TCP11L1: variants seen among roughly 807,000 people sequenced by gnomAD.
The protein encoded by TCP11L1 is T-complex protein 11-like protein 1.
Under a neutral mutation model 48.9 loss-of-function variants are expected in TCP11L1, and 28 were observed. That is an observed-to-expected ratio of 0.57 (90% CI 0.42 to 0.78). The LOEUF (loss-of-function observed/expected upper bound fraction) is 0.78, where lower values mean the gene tolerates loss of function less well. Ranked by LOEUF, TCP11L1 falls within the 30% of genes least tolerant of loss-of-function variation. TCP11L1 has a pLI of 0.00. For synonymous variants in TCP11L1, 204 were observed against 231.9 expected, an observed-to-expected ratio of 0.88 and a Z score of 1.09; for missense variants, 505 against 613.4, an observed-to-expected ratio of 0.82 and a Z score of 1.87.
Position 33,047,079 on chromosome 11 carries a change from C to T in TCP11L1, c.163+3143C>T, listed in dbSNP as rs138422683. On this transcript the variant is annotated intron_variant, in intron 2 of 9. Transcript: ENST00000334274. ...TTCTACTAAAAATACAAAAATTAGC[C>T]GGGAGTGGTGGTGTGTGCCTGTAAT... Among the ~76,000 whole-genome samples the T allele has an allele frequency of 8.5e-4, 129 of 151,784 alleles. 2 individuals carry two copies. Among genetic ancestry groups the T allele is most frequent in the African/African-American group, 2.2e-3 (90 of 41,380 alleles).
At chr11:33,057,042 G>A in intron 3 of TCP11L1, 73 bp from the exon 4 acceptor site, 1 of 1,601,270 alleles carries the variant, frequency 6.2e-7, no homozygotes, top group Non-Finnish European at 8.5e-7. Flanking sequence ...CATAGTATTT[G>A]TGCTTTTGAA....
intron 2 of TCP11L1, 23 bp from the exon 3 acceptor site, chr11:33,054,570 C>T (rs1854255288): frequency 6.2e-7 from 1 of 1,604,582 alleles, no homozygotes; most frequent in East Asian, 2.3e-5. Flanking sequence ...AAGCAAATCT[C>T]TTACAGTGAG....
intron 6 of TCP11L1, among the ~76,000 whole-genome samples, chr11:33,059,303 A>G (rs1854406687): frequency 6.6e-6 from 1 of 152,362 alleles, no homozygotes; most frequent in African/African-American, 2.4e-5. Flanking sequence ...AGCAAAAGGA[A>G]TGTGAGTAGG....
intron 1 of TCP11L1, among the ~76,000 whole-genome samples, chr11:33,042,932 G>A (rs551907947): frequency 1.3e-5 from 2 of 152,334 alleles, no homozygotes; most frequent in South Asian, 4.1e-4. Flanking sequence ...CAGGCATGGT[G>A]GTGGGCGCCT....
intron 9 of TCP11L1, among the ~76,000 whole-genome samples, chr11:33,071,235 A>T (rs1011534141): frequency 7.2e-5 from 11 of 152,022 alleles, no homozygotes; most frequent in Non-Finnish European, 1.5e-4. Context: ...GAATCGCTTG[A>T]ACTCGGGAGG....
rs1189321584 is a variant in TCP11L1 at position 33,066,858 on chromosome 11, T to C, written c.1154+847T>C. 2.0e-5 allele frequency among the ~76,000 whole-genome samples: 3 copies of C among 152,158 alleles called. No homozygotes were observed. The East Asian group carries it at 5.8e-4, about 29-fold the overall frequency. ...CCTGCAGTAAGAAATTCATTTTCCATTGTGACCTAGTACACACTTAACACA... is the reference window on the plus strand; with the variant it reads ...CCTGCAGTAAGAAATTCATTTTCCACTGTGACCTAGTACACACTTAACACA... On this transcript the variant is annotated intron_variant, in intron 8 of 9. Transcript: ENST00000334274.
intron 9 of TCP11L1, among the ~76,000 whole-genome samples, chr11:33,071,905 G>T (rs1247680369): frequency 6.6e-6 from 1 of 152,082 alleles, no homozygotes; most frequent in Non-Finnish European, 1.5e-5. Flanking sequence ...GAGTGCAATG[G>T]CATGATCTCA....
At chr11:33,066,932 G>GT (rs918347142) in intron 8 of TCP11L1, among the ~76,000 whole-genome samples, 1 of 151,870 alleles carries the variant, frequency 6.6e-6, no homozygotes, top group African/African-American at 2.4e-5. Context: ...CCCTAACTGT[G>GT]TTTAATGCAG....
intron 9 of TCP11L1, among the ~76,000 whole-genome samples, chr11:33,069,645 AGTG>A (rs1726241396): frequency 6.6e-6 from 1 of 151,828 alleles, no homozygotes; most frequent in South Asian, 2.1e-4. Flanking sequence ...TCCAGACTGG[AGTG>A]CAGTGATGCG....
intron 8 of TCP11L1, among the ~76,000 whole-genome samples, chr11:33,067,409 G>T (rs924677812): frequency 6.6e-6 from 1 of 152,208 alleles, no homozygotes; most frequent in East Asian, 1.9e-4. Context: ...GCTGTGTTCA[G>T]TGCAGTGTGG....
At position 33,053,544 on chromosome 11, in the gene TCP11L1, T is replaced by G. The variant is rs144258241; in HGVS notation, c.164-1049T>G. 3.9e-4 allele frequency among the ~76,000 whole-genome samples: 60 copies of G among 152,346 alleles called. No homozygotes were observed. In the East Asian group the frequency reaches 7.9e-3, roughly 20 times the overall value. Reference sequence around the variant, plus strand: ...ATCAAAAGAGAAGTATGGACACAAATTTTGAGGCCGTTGCAGCAGTCGATA... The same window carrying G: ...ATCAAAAGAGAAGTATGGACACAAAGTTTGAGGCCGTTGCAGCAGTCGATA... On this transcript the variant is annotated intron_variant, in intron 2 of 9. Coordinates refer to ENST00000334274, the MANE Select transcript of TCP11L1 (RefSeq NM_018393.4).
At chr11:33,048,830 C>G (rs746834541) in intron 2 of TCP11L1, among the ~76,000 whole-genome samples, 11 of 152,172 alleles carry the variant, frequency 7.2e-5, no homozygotes, top group Non-Finnish European at 1.3e-4. Context: ...GTGACTTGTT[C>G]AAGGCCGTAC....
At chr11:33,057,093 C>CTTTTTT in intron 3 of TCP11L1, 22 bp from the exon 4 acceptor site, 4 of 1,506,466 alleles carry the variant, frequency 2.7e-6, no homozygotes, top group Admixed American at 3.6e-5. Flanking sequence ...TGCCCCCCTC[C>CTTTTTT]TTTTTTTTTT....
At chr11:33,048,842 C>G (rs770661603) in intron 2 of TCP11L1, among the ~76,000 whole-genome samples, 3 of 152,190 alleles carry the variant, frequency 2.0e-5, no homozygotes, top group Non-Finnish European at 4.4e-5. Context: ...AGGCCGTACT[C>G]AACAGAGTCC....
intron 1 of TCP11L1, chr11:33,040,526 T>G (rs528336618): frequency 6.6e-6 from 1 of 152,350 alleles, no homozygotes; most frequent in South Asian, 2.1e-4. Flanking sequence ...TAGGGATTCA[T>G]CTCTATCAAC....
intron 2 of TCP11L1, among the ~76,000 whole-genome samples, chr11:33,047,229 AG>A (rs1246617370): frequency 1.3e-5 from 2 of 151,852 alleles, no homozygotes; most frequent in African/African-American, 4.8e-5. Context: ...AAAAAAAAAA[AG>A]AGTAGAATTC....
chr11:33,053,438 TATC>T (rs1854223088), intron 2 of TCP11L1, among the ~76,000 whole-genome samples: 1 of 150,874 alleles, frequency 6.6e-6, no homozygotes, highest in Non-Finnish European at 1.5e-5. Context: ...AGCCTTGCCT[TATC>T]ATAGGCTTTT....
intron 5 of TCP11L1, among the ~76,000 whole-genome samples, 167 bp from the exon 6 acceptor site, chr11:33,058,792 T>C (rs1854389480): frequency 6.6e-6 from 1 of 152,074 alleles, no homozygotes; most frequent in South Asian, 2.1e-4. Flanking sequence ...TTGTCACATT[T>C]GCTATGCTGC....
Position 33,057,053 on chromosome 11 carries a change from A to C in TCP11L1, c.297-62A>C, listed in dbSNP as rs1165145450. On this transcript the variant is annotated intron_variant, in intron 3 of 9. Transcript: ENST00000334274. Reference sequence around the variant, plus strand: ...AACCCATAGTATTTGTGCTTTTGAAAGTGATTTGAAACTCAAATATTTTGG... The same window carrying C: ...AACCCATAGTATTTGTGCTTTTGAACGTGATTTGAAACTCAAATATTTTGG... 3 of 1,608,240 alleles carry C rather than the reference A, an allele frequency of 1.9e-6. No homozygotes were observed. In the East Asian group the frequency reaches 6.7e-5, roughly 36 times the overall value.
Sources: gnomAD v4.1 joint callset for allele counts (sites outside exome capture counted in the v4.1 genomes callset) on GRCh38, gnomAD v4.1.1 for gene constraint, MANE v1.5 for transcripts, NCBI Gene and HGNC (gene_info 2026-07-23, HGNC 2026-07-21) for gene names.